The following CHD1L variants were observed in gnomAD, a reference collection of about 807,000 sequenced individuals.
CHD1L encodes ATP-dependent chromatin remodeler CHD1L.
CHD1L carries 118 observed loss-of-function variants against 115.9 expected under a neutral mutation model. The observed-to-expected ratio is 1.02, with a 90% CI of 0.88 to 1.19. The LOEUF is 1.19. CHD1L is among the 50% of genes most tolerant of loss of function. The pLI, the probability that CHD1L is intolerant of heterozygous loss-of-function variation, is 0.00. For missense variants in CHD1L, 1,179 were observed against 1,065.3 expected (o/e 1.11, Z -1.49); for synonymous variants, 411 against 387.1 (o/e 1.06, Z -0.72).
rs192336187 is a variant in CHD1L, at chr1:147,255,865, G to A, written c.400G>A (p.Ala134Thr). ...ATATGCAGGCGACAAGGAGGAAAGAGCCTGCCTTCAGCAAGACCTGAAACA... is the reference window on the plus strand; with the variant it reads ...ATATGCAGGCGACAAGGAGGAAAGAACCTGCCTTCAGCAAGACCTGAAACA... Reference protein sequence around the residue: ...VTYAGDKEERACLQQDLKQES... With the variant: ...VTYAGDKEERTCLQQDLKQES... The change falls in exon 4 of 23, where the codon GCC becomes ACC. Residue 134 changes from alanine (A) to threonine (T), a missense_variant. Ala to Thr is a moderately conservative substitution (Grantham distance 58). Transcript: ENST00000369258. 17 of 1,613,848 alleles carry A rather than the reference G, an allele frequency of 1.1e-5. No homozygotes were observed. In the East Asian group the frequency reaches 3.6e-4, roughly 34 times the overall value.
At position 147,252,720 on chromosome 1, in the gene CHD1L, G is replaced by C; in HGVS notation, c.225G>C (p.Leu75=). Residue 75 remains leucine (L), a synonymous_variant, in exon 2 of 23, where the codon CTG becomes CTC. Coordinates refer to ENST00000369258, the MANE Select transcript of CHD1L (RefSeq NM_004284.6). ...GTATCCTGGGAGATGAGATGGGCCT[G>C]GGGAAGACCTGCCAGGTGTGTTACT... ...NGCILGDEMG[L]GKTCQTIALF... 6.2e-7 allele frequency: 1 copy of C among 1,613,638 alleles called. No individual in the cohort carries two copies. Among genetic ancestry groups the C allele is most frequent in the South Asian group, 1.1e-5 (1 of 90,996 alleles).
the CHD1L span, among the ~76,000 whole-genome samples, chr1:147,194,209 T>C: frequency 0.037 from 5,619 of 152,278 alleles, 159 homozygotes; most frequent in South Asian, 0.095. Flanking sequence ...GGTGCATATA[T>C]ATTTAGGATA....
chr1:147,226,835 G>A, the CHD1L span, among the ~76,000 whole-genome samples: 2 of 55,360 alleles, frequency 3.6e-5, no homozygotes, highest in African/African-American at 1.6e-4. Flanking sequence ...TGGAACTGTC[G>A]AACTTTTTTT....
intron 1 of CHD1L, among the ~76,000 whole-genome samples, chr1:147,245,875 C>T (rs1413009784): frequency 2.6e-5 from 4 of 151,906 alleles, no homozygotes; most frequent in African/African-American, 9.7e-5. Context: ...TAACCTTTAC[C>T]CAGTTTCCCC....
chr1:147,191,658 T>A, the CHD1L span, among the ~76,000 whole-genome samples: 1 of 151,452 alleles, frequency 6.6e-6, no homozygotes, highest in Non-Finnish European at 1.5e-5. Flanking sequence ...GATGGTAGTT[T>A]CTTTAGTCCA....
At chr1:147,201,375 C>G in the CHD1L span, 1 of 1,614,160 alleles carries the variant, frequency 6.2e-7, no homozygotes, top group Non-Finnish European at 8.5e-7. Context: ...CAATGTCATC[C>G]TCCCTGGAGC....
At chr1:147,273,275 G>A (rs1676972311) in intron 12 of CHD1L, among the ~76,000 whole-genome samples, 1 of 152,108 alleles carries the variant, frequency 6.6e-6, no homozygotes. Flanking sequence ...AAATCTTGAT[G>A]GAGTACATGC....
Position 147,259,850 on chromosome 1 carries a change from G to A in CHD1L, c.508G>A (p.Val170Ile), listed in dbSNP as rs371872866. The A allele has an allele frequency of 5.0e-6, 8 of 1,613,636 alleles. No homozygotes were observed. The highest frequency in any genetic ancestry group is 2.2e-5 in the South Asian group (2 of 91,064). Residue 170 changes from valine (V) to isoleucine (I), a missense_variant, in exon 6 of 23, where the codon GTT becomes ATT. Transcript: ENST00000369258. ...ASFLKSFPWS[V>I]LVVDEAHRLK... ...TTTCTCTCACAGATTCCCTTGGAGT[G>A]TTCTTGTTGTGGATGAAGCTCACAG... is the stretch of plus-strand genomic sequence containing the variant.
chr1:147,293,487 C>T (rs587665110), intron 20 of CHD1L, 121 bp from the exon 21 acceptor site: 24 of 728,728 alleles, frequency 3.3e-5, no homozygotes, highest in African/African-American at 2.6e-4. Context: ...GCATAGCATC[C>T]GAAAGAGACA....
intron 19 of CHD1L, among the ~76,000 whole-genome samples, chr1:147,291,223 G>A (rs781965049): frequency 3.3e-5 from 5 of 152,276 alleles, no homozygotes; most frequent in Non-Finnish European, 7.4e-5. Flanking sequence ...TCTGGGTTTT[G>A]TATTCACTTT....
At chr1:147,206,722 T>A in the CHD1L span, among the ~76,000 whole-genome samples, 7 of 151,878 alleles carry the variant, frequency 4.6e-5, no homozygotes, top group Admixed American at 3.3e-4. Context: ...ATGAGAACAC[T>A]TGGACACAGG....
the CHD1L span, chr1:147,178,275 C>T: frequency 6.2e-7 from 1 of 1,613,604 alleles, no homozygotes; most frequent in South Asian, 1.1e-5. Flanking sequence ...AGTTCTTCGC[C>T]CCCTGGTGTG....
the CHD1L span, among the ~76,000 whole-genome samples, chr1:147,232,454 C>T: frequency 1.3e-5 from 2 of 152,190 alleles, no homozygotes; most frequent in East Asian, 3.9e-4. Flanking sequence ...AGAACATGTT[C>T]CATATAAATG....
At chr1:147,292,832 C>T (rs972117259) in intron 20 of CHD1L, among the ~76,000 whole-genome samples, 1 of 152,184 alleles carries the variant, frequency 6.6e-6, no homozygotes, top group Non-Finnish European at 1.5e-5. Context: ...ATGAGGGATC[C>T]ACCCCATGAT....
At chr1:147,293,827 C>G (rs368429832) in intron 21 of CHD1L, 105 bp downstream of exon 21, 1 of 877,752 alleles carries the variant, frequency 1.1e-6, no homozygotes, top group Non-Finnish European at 1.8e-6. Flanking sequence ...TTAATATGCA[C>G]GGTAAAGGCA....
chr1:147,197,816 G>C, the CHD1L span, among the ~76,000 whole-genome samples: 1 of 152,168 alleles, frequency 6.6e-6, no homozygotes, highest in Non-Finnish European at 1.5e-5. Context: ...ATTCCAGAAA[G>C]ATAGGGATTT....
chr1:147,190,236 C>A, the CHD1L span: 2 of 1,608,644 alleles, frequency 1.2e-6, no homozygotes, highest in Non-Finnish European at 1.7e-6. Flanking sequence ...TCTGTGAGGG[C>A]AATGTCTTTA....
chr1:147,183,631 G>A, the CHD1L span, among the ~76,000 whole-genome samples: 2 of 152,194 alleles, frequency 1.3e-5, no homozygotes, highest in East Asian at 1.9e-4. Context: ...TTGATACTGA[G>A]GGTCAGGAAG....
the CHD1L span, chr1:147,179,213 C>G: frequency 1.9e-6 from 3 of 1,613,962 alleles, no homozygotes; most frequent in South Asian, 3.3e-5. Flanking sequence ...TACCTGAAGT[C>G]TGAACCTATC....
Sources: gnomAD v4.1 joint callset for allele counts (sites outside exome capture counted in the v4.1 genomes callset) on GRCh38, gnomAD v4.1.1 for gene constraint, MANE v1.5 for transcripts, NCBI Gene and HGNC (gene_info 2026-07-23, HGNC 2026-07-21) for gene names.